The following CAMTA1 variants were observed in gnomAD, a reference collection of about 807,000 sequenced individuals.
The protein encoded by CAMTA1 is calmodulin-binding transcription activator 1.
A neutral mutation model predicts 170.9 loss-of-function variants in CAMTA1; 27 were observed. The observed-to-expected ratio is 0.16, with a 90% CI of 0.12 to 0.22. The LOEUF (loss-of-function observed/expected upper bound fraction) is 0.22, where lower values mean the gene tolerates loss of function less well. Among genes scored for constraint, CAMTA1 ranks in the 10% least tolerant of loss-of-function variants. The pLI is 1.00. For synonymous variants in CAMTA1, 833 were observed against 891.5 expected (o/e 0.93, Z 1.17); for missense variants, 1,619 against 2,217.2 (o/e 0.73, Z 5.42).
At chr1:7,537,756 T>C (rs1165979654) in intron 6 of CAMTA1, among the ~76,000 whole-genome samples, 3 of 152,214 alleles carry the variant, frequency 2.0e-5, no homozygotes, top group Non-Finnish European at 4.4e-5. Context: ...AAATGAGATT[T>C]TAATTTGGGA....
At chr1:7,136,100 G>A (rs951122465) in intron 4 of CAMTA1, among the ~76,000 whole-genome samples, 7 of 152,176 alleles carry the variant, frequency 4.6e-5, no homozygotes, top group Admixed American at 6.5e-5. Flanking sequence ...AGGCCCTGGT[G>A]CTATAAGATT....
chr1:7,561,603 C>T lies in CAMTA1; in HGVS notation c.511-78797C>T, dbSNP rs1413097371. ...AGGAGGGGAGACTGTGGGCGGCTTG[C>T]GCAGCACCCTCTGCAGGCAGAGCTG... On this transcript the variant is annotated intron_variant, in intron 6 of 22. Transcript: ENST00000303635. The surrounding 1 kb of genome is among the most constrained non-coding windows in gnomAD (Gnocchi z 5.3). 6.6e-6 allele frequency among the ~76,000 whole-genome samples: 1 copy of T among 151,942 alleles called. No homozygotes were observed. Among genetic ancestry groups the T allele is most frequent in the African/African-American group, 2.4e-5 (1 of 41,358 alleles).
intron 6 of CAMTA1, among the ~76,000 whole-genome samples, chr1:7,521,142 C>T (rs1486851633): frequency 6.6e-6 from 1 of 152,118 alleles, no homozygotes; most frequent in Non-Finnish European, 1.5e-5. Flanking sequence ...ACTGATCTTC[C>T]CGCTTTTATT....
At chr1:6,962,934 C>A (rs573258858) in intron 3 of CAMTA1, among the ~76,000 whole-genome samples, 1 of 151,312 alleles carries the variant, frequency 6.6e-6, no homozygotes, top group Non-Finnish European at 1.5e-5. Flanking sequence ...TGGACCCACC[C>A]CTCTTTCAGT....
chr1:6,947,521 C>T (rs1687770268), intron 3 of CAMTA1, among the ~76,000 whole-genome samples: 1 of 151,308 alleles, frequency 6.6e-6, no homozygotes, highest in African/African-American at 2.4e-5. Context: ...GCTGGGATTA[C>T]AGGCGCGTGT....
chr1:7,025,988 C>T (rs1383195526), intron 3 of CAMTA1, among the ~76,000 whole-genome samples: 2 of 151,944 alleles, frequency 1.3e-5, no homozygotes, highest in East Asian at 1.9e-4. Flanking sequence ...AGTGTGATGG[C>T]GGATGCCTGT....
At chr1:6,922,877 C>T (rs1284086400) in intron 3 of CAMTA1, among the ~76,000 whole-genome samples, 2 of 152,262 alleles carry the variant, frequency 1.3e-5, no homozygotes, top group Middle Eastern at 3.4e-3. Flanking sequence ...TCTTGGAACA[C>T]ACCCCCTTCC....
intron 3 of CAMTA1, among the ~76,000 whole-genome samples, chr1:7,037,486 T>C (rs1703771508): frequency 6.6e-6 from 1 of 152,226 alleles, no homozygotes; most frequent in Non-Finnish European, 1.5e-5. Context: ...TGCTGGGTTC[T>C]TCGCATTGGG....
chr1:6,898,182 T>G (rs1676069960), intron 3 of CAMTA1, among the ~76,000 whole-genome samples: 2 of 152,202 alleles, frequency 1.3e-5, no homozygotes, highest in South Asian at 4.1e-4. Context: ...TGTGTCCTGA[T>G]TTAGAGGAAA....
intron 3 of CAMTA1, among the ~76,000 whole-genome samples, chr1:6,954,519 T>C (rs1689096134): frequency 6.6e-6 from 1 of 152,186 alleles, no homozygotes. Flanking sequence ...GATTTTGAGG[T>C]CTGAGTTTTC....
At chr1:7,205,244 C>A (rs887756136) in intron 4 of CAMTA1, among the ~76,000 whole-genome samples, 7 of 152,154 alleles carry the variant, frequency 4.6e-5, no homozygotes, top group African/African-American at 1.7e-4. Context: ...GCTAGGATTA[C>A]AGGCATGCGC....
At chr1:7,677,448 C>A in intron 10 of CAMTA1, 151 bp from the exon 11 acceptor site, 1 of 910,374 alleles carries the variant, frequency 1.1e-6, no homozygotes, top group Non-Finnish European at 1.7e-6. Flanking sequence ...TGTGTTTGGG[C>A]CTCGAATGAG....
In CAMTA1 at chr1:7,680,907, C is replaced by G. The variant is rs1317653388; in HGVS notation, c.2914+3174C>G. Reference sequence around the variant, plus strand: ...GCTGCTGCGGCGAAGTCTTTGTCCCCGCGGCGCAGCCTTTGTCCCCGCGGC... The same window carrying G: ...GCTGCTGCGGCGAAGTCTTTGTCCCGGCGGCGCAGCCTTTGTCCCCGCGGC... On this transcript the variant is annotated intron_variant, in intron 11 of 22. Coordinates refer to ENST00000303635, the MANE Select transcript of CAMTA1 (RefSeq NM_015215.4). This position sits in a 1 kb window ranked among gnomAD's most constrained non-coding sequence, Gnocchi z 4.4. 6.6e-6 allele frequency among the ~76,000 whole-genome samples: 1 copy of G among 151,008 alleles called. No individual in the cohort carries two copies. The highest frequency in any genetic ancestry group is 1.5e-5 in the Non-Finnish European group (1 of 67,678).
At chr1:6,940,949 G>GGGGATCCTCAGGCGGA (rs1686466831) in intron 3 of CAMTA1, among the ~76,000 whole-genome samples, 1 of 6,686 alleles carries the variant, frequency 1.5e-4, no homozygotes, top group African/African-American at 8.7e-4. Context: ...CTCAGGGGGA[G>GGGGATCCTCAGGCGGA]GGGGGATCCT....
chr1:7,366,806 T>A (rs962296547), intron 5 of CAMTA1, among the ~76,000 whole-genome samples: 1 of 152,230 alleles, frequency 6.6e-6, no homozygotes, highest in Non-Finnish European at 1.5e-5. Flanking sequence ...CTTCCTGAGC[T>A]CTGTCTGTGG....
intron 11 of CAMTA1, among the ~76,000 whole-genome samples, chr1:7,705,227 G>A (rs1295005254): frequency 6.6e-6 from 1 of 151,352 alleles, no homozygotes; most frequent in African/African-American, 2.4e-5. Flanking sequence ...TGAGGAGCAA[G>A]GGTGAGGGGC....
chr1:6,834,245 A>C (rs1455042884), intron 3 of CAMTA1: 1 of 150,454 alleles, frequency 6.6e-6, no homozygotes, highest in Non-Finnish European at 1.5e-5. Flanking sequence ...TAAATTTAAA[A>C]ATTTATTTTT....
At chr1:7,283,389 T>C (rs1297211615) in intron 5 of CAMTA1, among the ~76,000 whole-genome samples, 1 of 152,208 alleles carries the variant, frequency 6.6e-6, no homozygotes, top group Non-Finnish European at 1.5e-5. Context: ...CGCTCTCTAC[T>C]TTCTCCGAGG....
chr1:7,672,749 A>G (rs1415757635), intron 10 of CAMTA1, among the ~76,000 whole-genome samples: 1 of 151,990 alleles, frequency 6.6e-6, no homozygotes, highest in Admixed American at 6.6e-5. Context: ...CAGCCACCAG[A>G]GCAGAAAACC....
Sources: gnomAD v4.1 joint callset for allele counts (sites outside exome capture counted in the v4.1 genomes callset) on GRCh38, gnomAD v4.1.1 for gene constraint, Gnocchi (gnomAD v3.1) non-coding constraint, MANE v1.5 for transcripts, NCBI Gene and HGNC (gene_info 2026-07-23, HGNC 2026-07-21) for gene names.